Variants in DYM observed in about 807,000 individuals in gnomAD.
DYM encodes the protein dymeclin.
In DYM, 78 loss-of-function variants were observed where a neutral mutation model predicts 93.1. The observed-to-expected ratio is 0.84, with a 90% confidence interval of 0.70 to 1.01. DYM has a LOEUF of 1.01. Ranked by LOEUF, DYM falls within the 50% of genes least tolerant of loss-of-function variation. The pLI, the probability that DYM is intolerant of heterozygous loss-of-function variation, is 0.00. For synonymous variants in DYM, 321 were observed against 319.7 expected (o/e 1.00, Z -0.04); for missense variants, 789 against 845.0 (o/e 0.93, Z 0.82).
At chr18:49,101,111 G>A (rs1301189894) in intron 16 of DYM, among the ~76,000 whole-genome samples, 1 of 152,180 alleles carries the variant, frequency 6.6e-6, no homozygotes, top group Non-Finnish European at 1.5e-5. Context: ...CAACAGATGT[G>A]TGGCTTTTAT....
intron 6 of DYM, among the ~76,000 whole-genome samples, chr18:49,341,446 C>G (rs1024386333): frequency 1.6e-5 from 2 of 125,898 alleles, no homozygotes; most frequent in African/African-American, 3.1e-5. Context: ...AAGCTGAGAT[C>G]GCACCACTGC....
Position 49,258,781 on chromosome 18 carries a change from G to GACAC in DYM, c.1252-292_1252-289dup, listed in dbSNP as rs61429427. Among the ~76,000 whole-genome samples, 273 of 112,408 alleles carry GACAC rather than the reference G, an allele frequency of 2.4e-3. 5 individuals are homozygous for GACAC. The highest frequency in any genetic ancestry group is 0.011 in the East Asian group (27 of 2,542). 73.7% of individuals were successfully genotyped at this position (112,408 alleles called of 152,430 possible). On this transcript the variant is annotated intron_variant, in intron 11 of 17. Transcript: ENST00000675505. ...GTAGATTTGTAACCTAGGGATCATA[G>GACAC]ACACACACACACACACACACACACA...
At chr18:49,273,578 A>G (rs1029206587) in intron 10 of DYM, among the ~76,000 whole-genome samples, 1 of 152,158 alleles carries the variant, frequency 6.6e-6, no homozygotes, top group Non-Finnish European at 1.5e-5. Context: ...CTATGTTTAG[A>G]TACACAAACG....
chr18:49,410,336 A>C lies in DYM; in HGVS notation c.141-18691T>G, dbSNP rs74469895. Among the ~76,000 whole-genome samples, 554 of 152,228 alleles carry C rather than the reference A, an allele frequency of 3.6e-3. 22 individuals are homozygous for C. In the East Asian group the frequency reaches 0.093, roughly 25 times the overall value. On this transcript the variant is annotated intron_variant, in intron 2 of 17. Transcript: ENST00000675505. ...TTGACCCCCAAAGTACTGGGATTAC[A>C]GGCATAAGCCACAGTACCCAGTCAC...
At chr18:49,045,667 T>C (rs564506113) in intron 17 of DYM, among the ~76,000 whole-genome samples, 3 of 151,530 alleles carry the variant, frequency 2.0e-5, no homozygotes, top group Admixed American at 6.6e-5. Context: ...AAAAAACCAA[T>C]AATAACAGGG....
At chr18:49,156,467 C>G (rs1381877439) in intron 15 of DYM, among the ~76,000 whole-genome samples, 1 of 152,020 alleles carries the variant, frequency 6.6e-6, no homozygotes, top group African/African-American at 2.4e-5. Context: ...CGTGGTGGCT[C>G]ACGCCTGTAA....
At chr18:49,240,505 C>T (rs2093984878) in intron 13 of DYM, among the ~76,000 whole-genome samples, 2 of 152,166 alleles carry the variant, frequency 1.3e-5, no homozygotes, top group Non-Finnish European at 2.9e-5. Context: ...AATGTTGACA[C>T]ATTTCATCAA....
chr18:49,092,902 A>C (rs2079179031), intron 17 of DYM, among the ~76,000 whole-genome samples: 1 of 152,200 alleles, frequency 6.6e-6, no homozygotes, highest in Non-Finnish European at 1.5e-5. Flanking sequence ...CAAGCCATGG[A>C]GAAAAGCCTC....
chr18:49,097,090 C>G, intron 17 of DYM: 1 of 432,728 alleles, frequency 2.3e-6, no homozygotes, highest in Non-Finnish European at 4.3e-6. Flanking sequence ...TCTTCATCAT[C>G]ACCTTCCCAT....
intron 14 of DYM, among the ~76,000 whole-genome samples, chr18:49,176,472 G>C (rs2089389294): frequency 6.6e-6 from 1 of 150,944 alleles, no homozygotes; most frequent in Non-Finnish European, 1.5e-5. Flanking sequence ...GTACAGTGGT[G>C]CAATCATAGC....
At chr18:49,386,979 T>G (rs2068692583) in intron 3 of DYM, among the ~76,000 whole-genome samples, 2 of 151,174 alleles carry the variant, frequency 1.3e-5, no homozygotes, top group Non-Finnish European at 2.9e-5. Context: ...AGTCTCACTC[T>G]GTCACCTAGG....
rs1436305502 is a variant in DYM at position 49,114,489 on chromosome 18, T to C, written c.1911+4255A>G. ...ACATCCTGCTTTTACTTCTATATGG[T>C]TCTATACTGTGTACTTACAGTGAGG... On this transcript the variant is annotated intron_variant, in intron 16 of 17. Transcript: ENST00000675505. 5 of 906,848 alleles carry C rather than the reference T, an allele frequency of 5.5e-6. No homozygotes were observed. The East Asian group carries it at 4.7e-4, about 85-fold the overall frequency. 56.2% of individuals were successfully genotyped at this position (906,848 alleles called of 1,614,324 possible). A position where few individuals can be genotyped will look rare whatever the true frequency, so the allele number is the denominator to read the frequency against.
intron 17 of DYM, among the ~76,000 whole-genome samples, chr18:49,078,558 T>G (rs1207568477): frequency 6.6e-6 from 1 of 152,232 alleles, no homozygotes; most frequent in African/African-American, 2.4e-5. Flanking sequence ...CTTCCGGCTC[T>G]TTCCCTTCTG....
chr18:49,405,238 C>T (rs1009333784), intron 2 of DYM, among the ~76,000 whole-genome samples: 1 of 152,060 alleles, frequency 6.6e-6, no homozygotes, highest in African/African-American at 2.4e-5. Flanking sequence ...TGCAGATGCT[C>T]GTTAGTTTAA....
chr18:49,130,542 G>T (rs1470882366), intron 15 of DYM, among the ~76,000 whole-genome samples: 1 of 147,274 alleles, frequency 6.8e-6, no homozygotes, highest in African/African-American at 2.5e-5. Flanking sequence ...TTGTTTGTCA[G>T]GAAGCCCCTT....
chr18:49,270,790 A>ATTAC lies in DYM; in HGVS notation c.1251+1387_1251+1388insGTAA, dbSNP rs199910982. ...GTTGAAATTATGGTCATACTATGTA[A>ATTAC]GAGGCAAAAACATGACTTAAGGGAA... On this transcript the variant is annotated intron_variant, in intron 11 of 17. Transcript: ENST00000675505. Among the ~76,000 whole-genome samples, 178 of 152,278 alleles carry ATTAC rather than the reference A, an allele frequency of 1.2e-3. 3 individuals are homozygous for ATTAC. The East Asian group carries it at 0.029, about 25-fold the overall frequency.
In DYM at chr18:49,441,204, TTA is replaced by T. The variant is rs1168181687; in HGVS notation, c.-53-10759_-53-10758del. Reference sequence around the variant, plus strand: ...ATATTTATATATAATATATTATATATTATATATATTATATATAATTATATTAT... The same window carrying T: ...ATATTTATATATAATATATTATATATTATATATTATATATAATTATATTAT... On this transcript the variant is annotated intron_variant, in intron 1 of 17. Transcript: ENST00000675505. Among the ~76,000 whole-genome samples, 16 of 38,214 alleles carry T rather than the reference TTA, an allele frequency of 4.2e-4. 1 individual carries two copies. The highest frequency in any genetic ancestry group is 7.4e-4 in the South Asian group (1 of 1,360). 25.1% of individuals were successfully genotyped at this position (38,214 alleles called of 152,430 possible).
At chr18:49,331,509 A>T (rs547956293) in intron 8 of DYM, among the ~76,000 whole-genome samples, 5 of 152,340 alleles carry the variant, frequency 3.3e-5, no homozygotes, top group African/African-American at 1.2e-4. Flanking sequence ...ATATACCCTA[A>T]AATAACCTAA....
chr18:49,327,746 CCA>C (rs2063004719), intron 8 of DYM, among the ~76,000 whole-genome samples: 1 of 152,128 alleles, frequency 6.6e-6, no homozygotes, highest in African/African-American at 2.4e-5. Flanking sequence ...AAAGTAGCTA[CCA>C]CAGTGCCTGG....
Sources: gnomAD v4.1 joint callset for allele counts (sites outside exome capture counted in the v4.1 genomes callset) on GRCh38, gnomAD v4.1.1 for gene constraint, MANE v1.5 for transcripts, NCBI Gene and HGNC (gene_info 2026-07-23, HGNC 2026-07-21) for gene names.